Variants in SPAG9 observed in about 807,000 individuals in gnomAD.
SPAG9 encodes the protein C-Jun-amino-terminal kinase-interacting protein 4.
Under a neutral mutation model 166.5 loss-of-function variants are expected in SPAG9, and 35 were observed. That is an observed-to-expected ratio of 0.21 (90% confidence interval 0.16 to 0.28). The LOEUF (loss-of-function observed/expected upper bound fraction) is 0.28. SPAG9 is among the 10% of genes least tolerant of loss of function. The pLI is 1.00. For missense variants in SPAG9, 1,235 were observed against 1,603.3 expected, an observed-to-expected ratio of 0.77 and a Z score of 3.92; for synonymous variants, 534 against 565.5, an observed-to-expected ratio of 0.94 and a Z score of 0.79.
Position 50,970,381 on chromosome 17 carries a change from G to A in SPAG9, c.3850+326C>T, listed in dbSNP as rs181499458. Among the ~76,000 whole-genome samples, 7 of 152,050 alleles carry A rather than the reference G, an allele frequency of 4.6e-5. No homozygotes were observed. In the East Asian group the frequency reaches 1.4e-3, roughly 29 times the overall value. On this transcript the variant is annotated intron_variant, in intron 29 of 29. Coordinates refer to ENST00000262013, the MANE Select transcript of SPAG9 (RefSeq NM_001130528.3). Reference sequence around the variant, plus strand: ...ATACAGAAACTAGCCAGATGTGGTGGTGCATGTCTGTAATTCTAGCTACCT... The same window carrying A: ...ATACAGAAACTAGCCAGATGTGGTGATGCATGTCTGTAATTCTAGCTACCT...
At chr17:50,999,791 C>T (rs1201848302) in intron 13 of SPAG9, 74 bp from the exon 14 acceptor site, 1 of 1,304,894 alleles carries the variant, frequency 7.7e-7, no homozygotes, top group East Asian at 2.3e-5. Flanking sequence ...GAACAAGAGA[C>T]CCAAGAAGTT....
chr17:51,041,397 A>G, intron 5 of SPAG9, 104 bp downstream of exon 5: 2 of 1,063,946 alleles, frequency 1.9e-6, no homozygotes, highest in Non-Finnish European at 2.7e-6. Flanking sequence ...CTAAATGTAT[A>G]CAAACAATTA....
rs1275230968 is a variant in SPAG9 at position 50,975,794 on chromosome 17, G to A, written c.3524-847C>T. ...GAACATTCAAGAGGGTATTCTAGAGGAGTGGTAACAGCCTTACAGTGGCTA... is the reference window on the plus strand; with the variant it reads ...GAACATTCAAGAGGGTATTCTAGAGAAGTGGTAACAGCCTTACAGTGGCTA... On this transcript the variant is annotated intron_variant, in intron 27 of 29. Transcript: ENST00000262013. 6 of 1,109,686 alleles carry A rather than the reference G, an allele frequency of 5.4e-6. No homozygotes were observed. In the African/African-American group the frequency reaches 6.2e-5, roughly 11 times the overall value. 68.7% of individuals were successfully genotyped at this position (1,109,686 alleles called of 1,614,324 possible). A position where few individuals can be genotyped will look rare whatever the true frequency, so the allele number is the denominator to read the frequency against.
At chr17:50,998,768 G>A (rs375351216) in intron 14 of SPAG9, 151 bp from the exon 15 acceptor site, 71 of 639,004 alleles carry the variant, frequency 1.1e-4, no homozygotes, top group African/African-American at 2.0e-4. Context: ...GTCATACGCT[G>A]TAGCCTTAGC....
At chr17:51,042,863 A>G (rs1156261157) in intron 4 of SPAG9, among the ~76,000 whole-genome samples, 1 of 152,190 alleles carries the variant, frequency 6.6e-6, no homozygotes, top group Non-Finnish European at 1.5e-5. Flanking sequence ...ATTTAGGGGG[A>G]AAATTCAAAA....
chr17:51,067,827 C>T (rs1473901525), intron 2 of SPAG9, among the ~76,000 whole-genome samples: 1 of 152,172 alleles, frequency 6.6e-6, no homozygotes, highest in African/African-American at 2.4e-5. Flanking sequence ...GGAGATACTT[C>T]AGCCTCATTT....
intron 16 of SPAG9, 86 bp from the exon 17 acceptor site, chr17:50,995,619 G>A: frequency 1.2e-6 from 1 of 807,908 alleles, no homozygotes. Context: ...TGAGACATGA[G>A]CAAGCACTGC....
At chr17:51,025,944 AAC>A (rs1166659159) in intron 6 of SPAG9, among the ~76,000 whole-genome samples, 3 of 152,226 alleles carry the variant, frequency 2.0e-5, no homozygotes, top group Non-Finnish European at 4.4e-5. Context: ...ATTTCTGATA[AAC>A]AGTGTTGATG....
At chr17:51,066,545 ACT>A (rs2047671358) in intron 2 of SPAG9, among the ~76,000 whole-genome samples, 1 of 118,796 alleles carries the variant, frequency 8.4e-6, no homozygotes, top group Non-Finnish European at 1.7e-5. Flanking sequence ...ACAGAGTGAG[ACT>A]CTGTCTCAAA....
intron 8 of SPAG9, among the ~76,000 whole-genome samples, chr17:51,019,312 C>A (rs1053357058): frequency 6.6e-6 from 1 of 152,320 alleles, no homozygotes; most frequent in Non-Finnish European, 1.5e-5. Flanking sequence ...AATCTCAGCA[C>A]TTTGGGAGGC....
intron 16 of SPAG9, 112 bp downstream of exon 16, chr17:50,996,453 T>C (rs2044683840): frequency 8.0e-7 from 1 of 1,245,236 alleles, no homozygotes; most frequent in East Asian, 2.4e-5. Flanking sequence ...GCCCAGTCCA[T>C]GCGGCTGAGA....
Position 50,995,432 on chromosome 17 carries a change from C to G in SPAG9, c.2058+12G>C. ...TTAGAAAACATCTCCTTTTAATTCACAATGAACTTACCTTCATTGATGTAT... is the reference window on the plus strand; with the variant it reads ...TTAGAAAACATCTCCTTTTAATTCAGAATGAACTTACCTTCATTGATGTAT... On this transcript the variant is annotated intron_variant, in intron 17 of 29. Coordinates refer to ENST00000262013, the MANE Select transcript of SPAG9 (RefSeq NM_001130528.3). The G allele has an allele frequency of 6.3e-7, 1 of 1,587,920 alleles. No homozygotes were observed. The highest frequency in any genetic ancestry group is 2.2e-5 in the East Asian group (1 of 44,734).
intron 5 of SPAG9, chr17:51,031,989 T>C (rs971285807): frequency 5.2e-6 from 3 of 572,414 alleles, no homozygotes; most frequent in South Asian, 3.1e-5. Flanking sequence ...ACCTTTTTTT[T>C]CTACTTACAC....
At chr17:51,100,960 T>C (rs1190963103) in intron 1 of SPAG9, among the ~76,000 whole-genome samples, 3 of 151,020 alleles carry the variant, frequency 2.0e-5, no homozygotes, top group Admixed American at 1.3e-4. Context: ...CAAAAATGAG[T>C]GTGTAATTTC....
rs1201130946 is a variant in SPAG9 at position 51,053,852 on chromosome 17, AAAGTATATATATATAT to A, written c.495+2544_495+2559del. Among the ~76,000 whole-genome samples, 17 of 49,312 alleles carry A rather than the reference AAAGTATATATATATAT, an allele frequency of 3.4e-4. 1 individual carries two copies. The highest frequency in any genetic ancestry group is 1.9e-3 in the African/African-American group (17 of 9,134). The allele number at this position is 49,312 out of a possible 152,430, so 32.4% of individuals were successfully genotyped here. A position where few individuals can be genotyped will look rare whatever the true frequency, so the allele number is the denominator to read the frequency against. On this transcript the variant is annotated intron_variant, in intron 3 of 29. Coordinates refer to ENST00000262013, the MANE Select transcript of SPAG9 (RefSeq NM_001130528.3). Reference sequence around the variant, plus strand: ...GACCCTAATTAAAAAAAAAAAAAAAAAAGTATATATATATATATATATATATATATATATATATATA... The same window carrying A: ...GACCCTAATTAAAAAAAAAAAAAAAAATATATATATATATATATATATATA...
intron 2 of SPAG9, among the ~76,000 whole-genome samples, chr17:51,073,771 A>C (rs2047889676): frequency 6.6e-6 from 1 of 152,236 alleles, no homozygotes; most frequent in African/African-American, 2.4e-5. Context: ...AAAAGACTCC[A>C]ATTTCAGGAG....
intron 1 of SPAG9, among the ~76,000 whole-genome samples, chr17:51,095,153 C>A (rs1267865026): frequency 2.0e-5 from 3 of 151,402 alleles, no homozygotes; most frequent in Admixed American, 6.6e-5. Context: ...AAAAATTAGC[C>A]GGGCGTGGTG....
rs761426793 is a variant in SPAG9, at chr17:50,989,807, T to C, written c.2683A>G (p.Thr895Ala). The change falls in exon 21 of 30, where the codon ACA becomes GCA. Residue 895 changes from threonine (T) to alanine (A), a missense_variant. Physicochemically the swap from Thr to Ala is moderately conservative, Grantham distance 58. Around this residue, in one of 6 missense-constraint regions of SPAG9, gnomAD observed 493 missense variants for 559.4 expected, o/e 0.88. Transcript: ENST00000262013. ...VPTAEEATEATEGNAGSAEDT... is the reference protein window; with the variant it reads ...VPTAEEATEAAEGNAGSAEDT... Reference sequence around the variant, plus strand: ...TCAGCTGACCCCGCATTCCCTTCTGTAGCTTCAGTTGCTTCTTCTGCTGTT... The same window carrying C: ...TCAGCTGACCCCGCATTCCCTTCTGCAGCTTCAGTTGCTTCTTCTGCTGTT... 1.2e-6 allele frequency: 2 copies of C among 1,614,108 alleles called. No individual in the cohort carries two copies. Among genetic ancestry groups the C allele is most frequent in the Admixed American group, 1.7e-5 (1 of 60,004 alleles).
At chr17:50,991,943 TTTTTTTTTTA>T (rs1451106870) in intron 19 of SPAG9, among the ~76,000 whole-genome samples, 1 of 138,962 alleles carries the variant, frequency 7.2e-6, no homozygotes, top group Non-Finnish European at 1.5e-5. Context: ...TTTTTTTTTT[TTTTTTTTTTA>T]AAACACAGGG....
Sources: allele counts gnomAD v4.1 joint callset (sites outside exome capture counted in the v4.1 genomes callset), GRCh38; gene constraint gnomAD v4.1.1; regional missense constraint gnomAD v4.1.1; transcripts MANE v1.5; gene names NCBI Gene and HGNC (gene_info 2026-07-23, HGNC 2026-07-21).